CTIF: variants seen among roughly 807,000 people sequenced by gnomAD.
The protein encoded by CTIF is CBP80/20-dependent translation initiation factor.
A neutral mutation model predicts 66.0 loss-of-function variants in CTIF; 21 were observed. That is an observed-to-expected ratio of 0.32 (90% CI 0.23 to 0.46). The LOEUF is 0.46. CTIF is among the 20% of genes least tolerant of loss of function. The pLI is 1.00. For missense variants in CTIF, 739 were observed against 812.7 expected (o/e 0.91, Z 1.10); for synonymous variants, 345 against 326.4 (o/e 1.06, Z -0.62).
At chr18:48,786,314 G>A (rs1911701056) in intron 9 of CTIF, among the ~76,000 whole-genome samples, 1 of 152,150 alleles carries the variant, frequency 6.6e-6, no homozygotes, top group African/African-American at 2.4e-5. Context: ...GTTTGAACCT[G>A]AGCCTCACTC....
intron 10 of CTIF, among the ~76,000 whole-genome samples, chr18:48,852,434 G>A (rs771496008): frequency 2.0e-5 from 3 of 151,974 alleles, no homozygotes; most frequent in South Asian, 2.1e-4. Flanking sequence ...GACTCAGGTA[G>A]GCTTGCTGCA....
intron 5 of CTIF, among the ~76,000 whole-genome samples, chr18:48,669,793 T>TTATATTTATATA (rs2091494659): frequency 4.2e-5 from 2 of 47,252 alleles, no homozygotes; most frequent in African/African-American, 1.7e-4. Flanking sequence ...AGCTAAACAT[T>TTATATTTATATA]TATATATATA....
chr18:48,664,895 CTG>C (rs1224880105), intron 5 of CTIF, among the ~76,000 whole-genome samples: 1 of 139,108 alleles, frequency 7.2e-6, no homozygotes, highest in Admixed American at 8.1e-5. Flanking sequence ...TGGACTGAGG[CTG>C]TGTGTTTCTT....
chr18:48,825,278 A>G lies in CTIF; in HGVS notation c.1527+7902A>G, dbSNP rs942348328. On this transcript the variant is annotated intron_variant, in intron 10 of 11. Coordinates refer to ENST00000256413, the MANE Select transcript of CTIF (RefSeq NM_014772.3). ...CATCTGCCCCTCCCTGCCCTTTCCA[A>G]GGGAAGGGCAGGGAGAGGGCAGATG... is the stretch of plus-strand genomic sequence containing the variant. Among the ~76,000 whole-genome samples the G allele has an allele frequency of 2.6e-5, 4 of 151,322 alleles. No individual in the cohort carries two copies. In the East Asian group the frequency reaches 7.9e-4, roughly 30 times the overall value.
chr18:48,651,251 T>C (rs2091150389), intron 3 of CTIF, among the ~76,000 whole-genome samples: 1 of 152,080 alleles, frequency 6.6e-6, no homozygotes, highest in African/African-American at 2.4e-5. Flanking sequence ...AGGAGACCCA[T>C]CTCACGTGCA....
intron 7 of CTIF, among the ~76,000 whole-genome samples, chr18:48,744,075 G>C (rs2092576047): frequency 6.6e-6 from 1 of 152,180 alleles, no homozygotes; most frequent in South Asian, 2.1e-4. Flanking sequence ...GTGAGTGCTG[G>C]TACACAGGCC....
chr18:48,712,035 C>CA (rs2092230215), intron 7 of CTIF, among the ~76,000 whole-genome samples: 1 of 152,130 alleles, frequency 6.6e-6, no homozygotes, highest in African/African-American at 2.4e-5. Flanking sequence ...TAGTGGTCCT[C>CA]AGAAAATAGG....
At position 48,771,346 on chromosome 18, in the gene CTIF, T is replaced by C. The variant is rs1910094959; in HGVS notation, c.1371+9657T>C. ...CACAAGGTATTCATCAGGCATCAGC[T>C]GGCTGGCTCCAGGAGCTTCCTTCAC... On this transcript the variant is annotated intron_variant, in intron 9 of 11. Transcript: ENST00000256413. 2.0e-5 allele frequency among the ~76,000 whole-genome samples: 3 copies of C among 152,198 alleles called. No individual in the cohort carries two copies. The South Asian group carries it at 6.2e-4, about 31-fold the overall frequency.
At chr18:48,679,243 G>A (rs77889760) in intron 6 of CTIF, among the ~76,000 whole-genome samples, 1,654 of 152,328 alleles carry the variant, frequency 0.011, 9 homozygotes, top group Middle Eastern at 0.037. Context: ...TTCTTCTGCT[G>A]TAAAGTTGGG....
At chr18:48,641,983 C>T (rs2090941825) in intron 3 of CTIF, among the ~76,000 whole-genome samples, 1 of 152,194 alleles carries the variant, frequency 6.6e-6, no homozygotes, top group African/African-American at 2.4e-5. Flanking sequence ...CAACTTGCTA[C>T]CCTTCAGTAA....
intron 9 of CTIF, among the ~76,000 whole-genome samples, chr18:48,809,444 A>G (rs1274882080): frequency 2.6e-5 from 4 of 152,148 alleles, no homozygotes; most frequent in African/African-American, 9.6e-5. Context: ...ATAAAAATCT[A>G]CTTGGTTATA....
intron 7 of CTIF, among the ~76,000 whole-genome samples, chr18:48,757,516 G>A (rs898326928): frequency 6.6e-6 from 1 of 152,206 alleles, no homozygotes; most frequent in Non-Finnish European, 1.5e-5. Context: ...TACATGCATA[G>A]AATATGTCTG....
At chr18:48,710,273 G>A (rs9958117) in intron 6 of CTIF, among the ~76,000 whole-genome samples, 69,116 of 152,120 alleles carry the variant, frequency 0.45, 17,966 homozygotes, top group African/African-American at 0.72. Context: ...GAGTGGGCCA[G>A]AATAGACCCC....
intron 6 of CTIF, among the ~76,000 whole-genome samples, chr18:48,700,822 G>A (rs1207274320): frequency 6.6e-6 from 1 of 152,230 alleles, no homozygotes; most frequent in Non-Finnish European, 1.5e-5. Flanking sequence ...CCCTCTTGGA[G>A]ACAGAGGTGG....
At chr18:48,569,786 G>C (rs2089370211) in intron 1 of CTIF, among the ~76,000 whole-genome samples, 1 of 152,134 alleles carries the variant, frequency 6.6e-6, no homozygotes, top group South Asian at 2.1e-4. Flanking sequence ...GTGTGCACAG[G>C]GATGAGACCA....
chr18:48,785,190 C>T (rs1322492927), intron 9 of CTIF, among the ~76,000 whole-genome samples: 1 of 152,078 alleles, frequency 6.6e-6, no homozygotes, highest in Non-Finnish European at 1.5e-5. Context: ...TCCTTCCTTC[C>T]CTCTCTTTCT....
intron 9 of CTIF, among the ~76,000 whole-genome samples, chr18:48,763,426 G>A (rs1909204035): frequency 2.0e-5 from 3 of 152,236 alleles, no homozygotes. Flanking sequence ...CACAAAGGGG[G>A]CCCTATGGCC....
intron 6 of CTIF, among the ~76,000 whole-genome samples, chr18:48,698,143 C>CAAAAAAAAAAAAAAAAAA (rs1388784042): frequency 2.0e-5 from 1 of 50,162 alleles, no homozygotes; most frequent in Non-Finnish European, 4.1e-5. Context: ...AAAAAAAAAG[C>CAAAAAAAAAAAAAAAAAA]AAACTCCCCT....
chr18:48,754,824 G>A (rs566381553), intron 7 of CTIF, among the ~76,000 whole-genome samples: 5 of 152,312 alleles, frequency 3.3e-5, no homozygotes, highest in African/African-American at 4.8e-5. Context: ...AAGCTCTTTC[G>A]AACCAGAAAG....
Sources: allele counts gnomAD v4.1 joint callset (sites outside exome capture counted in the v4.1 genomes callset), GRCh38; gene constraint gnomAD v4.1.1; transcripts MANE v1.5; gene names NCBI Gene and HGNC (gene_info 2026-07-23, HGNC 2026-07-21).